The following MSH3 variants were observed in gnomAD, a reference collection of about 807,000 sequenced individuals.
MSH3 encodes DNA mismatch repair protein Msh3.
MSH3 carries 106 observed loss-of-function variants against 123.3 expected under a neutral mutation model. The ratio of observed to expected loss-of-function variants is 0.86; its 90% CI spans 0.73 to 1.01. MSH3 has a LOEUF of 1.01. MSH3 is among the 50% of genes least tolerant of loss of function. MSH3 has a pLI of 0.00. For synonymous variants in MSH3, 515 were observed against 481.4 expected, an observed-to-expected ratio of 1.07 and a Z score of -0.91; for missense variants, 1,459 against 1,347.6, an observed-to-expected ratio of 1.08 and a Z score of -1.29.
chr5:80,873,974 G>A (rs1017585762), intron 23 of MSH3, among the ~76,000 whole-genome samples: 2 of 151,838 alleles, frequency 1.3e-5, no homozygotes, highest in African/African-American at 2.4e-5. Flanking sequence ...AACAACATAA[G>A]CTCCCCATCC....
At chr5:80,755,493 C>T (rs1290851871) in intron 12 of MSH3, among the ~76,000 whole-genome samples, 2 of 152,094 alleles carry the variant, frequency 1.3e-5, no homozygotes, top group African/African-American at 2.4e-5. Context: ...TTCCAAATAT[C>T]GGTCTTCAAA....
intron 12 of MSH3, among the ~76,000 whole-genome samples, chr5:80,757,074 A>G (rs1483608356): frequency 6.6e-6 from 1 of 151,992 alleles, no homozygotes. Context: ...CCCCCACCAG[A>G]CAACTTTTTT....
At chr5:80,669,333 A>C (rs1749648678) in intron 3 of MSH3, among the ~76,000 whole-genome samples, 2 of 152,130 alleles carry the variant, frequency 1.3e-5, no homozygotes, top group Non-Finnish European at 2.9e-5. Context: ...GGAGCTGGGT[A>C]AATTTTTAGA....
At chr5:80,727,453 T>A (rs948414937) in intron 9 of MSH3, among the ~76,000 whole-genome samples, 1 of 152,320 alleles carries the variant, frequency 6.6e-6, no homozygotes, top group African/African-American at 2.4e-5. Context: ...TGCAAGAAAG[T>A]CAAACAGTGT....
intron 18 of MSH3, among the ~76,000 whole-genome samples, chr5:80,791,472 C>T (rs541858203): frequency 2.8e-4 from 43 of 152,206 alleles, no homozygotes; most frequent in African/African-American, 1.0e-3. Context: ...GCATGCTTGA[C>T]GGCTGATGAG....
rs1456712758 is a variant in MSH3, at chr5:80,656,523, G to A, written c.350G>A (p.Gly117Asp). ...KEGGSDLGMS[G>D]NSEPKKCLRT... ...GGAGGAAGTGATCTGGGAATGTCTG[G>A]CAACTCTGGTGAGTTGTGGGGGATT... is the stretch of plus-strand genomic sequence containing the variant. Residue 117 changes from glycine to aspartate, a missense_variant, in exon 2 of 24, where the codon GGC (glycine) becomes GAC (aspartate). Transcript: ENST00000265081. The A allele has an allele frequency of 2.5e-6, 4 of 1,614,150 alleles. No individual in the cohort carries two copies. The highest frequency in any genetic ancestry group is 2.5e-6 in the Non-Finnish European group (3 of 1,180,008).
intron 20 of MSH3, among the ~76,000 whole-genome samples, chr5:80,853,276 A>G (rs1055059216): frequency 2.0e-5 from 3 of 152,180 alleles, no homozygotes; most frequent in African/African-American, 7.2e-5. Context: ...GTTCAAGATC[A>G]GCCTAGCCAA....
intron 22 of MSH3, among the ~76,000 whole-genome samples, chr5:80,869,817 T>TATAC (rs1746175055): frequency 1.4e-5 from 1 of 73,884 alleles, no homozygotes; most frequent in African/African-American, 5.6e-5. Flanking sequence ...TATATACATA[T>TATAC]ATATATACAT....
chr5:80,709,534 A>G (rs1750801792), intron 8 of MSH3, among the ~76,000 whole-genome samples: 1 of 152,132 alleles, frequency 6.6e-6, no homozygotes, highest in Non-Finnish European at 1.5e-5. Flanking sequence ...AGGCAGGAGA[A>G]TGGTGTGAAC....
intron 17 of MSH3, among the ~76,000 whole-genome samples, chr5:80,785,050 A>G (rs1196456670): frequency 1.3e-5 from 2 of 152,246 alleles, no homozygotes; most frequent in Non-Finnish European, 2.9e-5. Context: ...ATGATTATAT[A>G]GGAATAGTCC....
chr5:80,830,316 T>C (rs1745395678), intron 20 of MSH3, among the ~76,000 whole-genome samples: 3 of 152,194 alleles, frequency 2.0e-5, no homozygotes, highest in African/African-American at 7.2e-5. Flanking sequence ...TGAACTCTTA[T>C]TTTTAAGAAT....
intron 20 of MSH3, among the ~76,000 whole-genome samples, chr5:80,846,195 A>G (rs1216724252): frequency 4.6e-5 from 7 of 151,682 alleles, no homozygotes; most frequent in Admixed American, 3.9e-4. Flanking sequence ...CTGGAGGTCC[A>G]CTCCAGACCC....
chr5:80,663,540 C>A (rs1375231469), intron 2 of MSH3, among the ~76,000 whole-genome samples: 1 of 141,996 alleles, frequency 7.0e-6, no homozygotes, highest in Non-Finnish European at 1.6e-5. Flanking sequence ...ATCCCACTTT[C>A]ATTCCAGGCA....
At chr5:80,831,123 A>G (rs1580076689) in intron 20 of MSH3, among the ~76,000 whole-genome samples, 1 of 152,202 alleles carries the variant, frequency 6.6e-6, no homozygotes, top group Non-Finnish European at 1.5e-5. Flanking sequence ...AAAATTTTAA[A>G]ATAATAAGTC....
At chr5:80,768,589 A>G (rs1194621232) in intron 14 of MSH3, among the ~76,000 whole-genome samples, 1 of 152,168 alleles carries the variant, frequency 6.6e-6, no homozygotes, top group Non-Finnish European at 1.5e-5. Context: ...GCATAGGCAA[A>G]CAACAAATAA....
Position 80,778,737 on chromosome 5 carries a change from G to T in MSH3, c.2336G>T (p.Arg779Leu), listed in dbSNP as rs199791286. The T allele has an allele frequency of 6.2e-7, 1 of 1,609,796 alleles. No homozygotes were observed. The highest frequency in any genetic ancestry group is 8.5e-7 in the Non-Finnish European group (1 of 1,176,174). Reference sequence around the variant, plus strand: ...TCTTCTAGCACAAAAGCTGTGAGCCGCTTTCACTCTCCTTTTATTGTAGAA... The same window carrying T: ...TCTTCTAGCACAAAAGCTGTGAGCCTCTTTCACTCTCCTTTTATTGTAGAA... ...VKVGSTKAVS[R>L]FHSPFIVENY... The change falls in exon 17 of 24, where the codon CGC (arginine) becomes CTC (leucine). Residue 779 changes from arginine to leucine, a missense_variant. Arg to Leu is a moderately radical substitution (Grantham distance 102). Coordinates refer to ENST00000265081, the MANE Select transcript of MSH3 (RefSeq NM_002439.5).
At chr5:80,805,878 C>A (rs577247652) in intron 19 of MSH3, among the ~76,000 whole-genome samples, 2 of 151,374 alleles carry the variant, frequency 1.3e-5, no homozygotes, top group South Asian at 4.2e-4. Flanking sequence ...TGGGACACCG[C>A]ACCCGGCCCC....
At chr5:80,769,819 T>A (rs948460138) in intron 15 of MSH3, among the ~76,000 whole-genome samples, 4 of 152,090 alleles carry the variant, frequency 2.6e-5, no homozygotes, top group African/African-American at 9.7e-5. Flanking sequence ...TCAAATCAAA[T>A]TTTTAAACAT....
chr5:80,765,526 G>A (rs796381724), intron 13 of MSH3, among the ~76,000 whole-genome samples: 3 of 152,104 alleles, frequency 2.0e-5, no homozygotes, highest in African/African-American at 7.2e-5. Context: ...TTTTGAATAC[G>A]TTCTTAGCCT....
Sources: gnomAD v4.1 joint callset for allele counts (sites outside exome capture counted in the v4.1 genomes callset) on GRCh38, gnomAD v4.1.1 for gene constraint, MANE v1.5 for transcripts, NCBI Gene and HGNC (gene_info 2026-07-23, HGNC 2026-07-21) for gene names.